ZNF550: variants seen among roughly 807,000 people sequenced by gnomAD.
ZNF550 encodes zinc finger protein 550.
A neutral mutation model predicts 40.2 loss-of-function variants in ZNF550; 42 were observed. That is an observed-to-expected ratio of 1.05 (90% CI 0.82 to 1.35). The LOEUF is 1.35. Ranked by LOEUF, ZNF550 falls within the 40% of genes most tolerant of loss-of-function variation. The probability of loss-of-function intolerance (pLI) is 0.00; values close to 1 mark genes in which losing one functional copy is unlikely to be tolerated. For missense variants in ZNF550, 549 were observed against 525.2 expected (o/e 1.05, Z -0.44); for synonymous variants, 223 against 198.6 (o/e 1.12, Z -1.03).
chr19:57,546,254 C>G (rs992297452), intron 4 of ZNF550, among the ~76,000 whole-genome samples: 1 of 151,982 alleles, frequency 6.6e-6, no homozygotes, highest in Non-Finnish European at 1.5e-5. Flanking sequence ...GGATATCCTC[C>G]CAGAGATGTC....
chr19:57,558,430 G>A (rs1473206857), intron 1 of ZNF550, among the ~76,000 whole-genome samples: 3 of 152,034 alleles, frequency 2.0e-5, no homozygotes, highest in African/African-American at 7.2e-5. Context: ...TGTGATGAGA[G>A]TCCCTATAAG....
Position 57,552,617 on chromosome 19 carries a change from G to A in ZNF550, c.250+10C>T, listed in dbSNP as rs2123357700. 1.3e-6 allele frequency: 2 copies of A among 1,590,134 alleles called. No homozygotes were observed. The highest frequency in any genetic ancestry group is 2.7e-5 in the African/African-American group (2 of 74,912). On this transcript the variant is annotated intron_variant, in intron 3 of 4. Coordinates refer to ENST00000457177, the Ensembl canonical transcript of ZNF550. ...CCATGACTCCACATGACCAGCTGGT[G>A]GCTGCTTACCTGCACAGGTAGCATG...
At chr19:57,546,194 A>C (rs2090007544) in intron 4 of ZNF550, among the ~76,000 whole-genome samples, 1 of 152,126 alleles carries the variant, frequency 6.6e-6, no homozygotes, top group South Asian at 2.1e-4. Flanking sequence ...AAATTCAAGA[A>C]TCTCATGACA....
exon 5 of ZNF550, chr19:57,542,621 G>A (rs888111071): frequency 1.3e-5 from 2 of 151,824 alleles, no homozygotes; most frequent in Admixed American, 6.6e-5. Context: ...GAATTGTGAG[G>A]TCTACAATAA....
chr19:57,556,118 G>A (rs1051272871), intron 2 of ZNF550, 113 bp downstream of exon 2: 1 of 1,373,220 alleles, frequency 7.3e-7, no homozygotes, highest in African/African-American at 1.4e-5. Context: ...CAGTCAGGAA[G>A]AGGTGGGAAC....
chr19:57,551,053 TACAG>T (rs2090068437), intron 3 of ZNF550, among the ~76,000 whole-genome samples: 1 of 152,224 alleles, frequency 6.6e-6, no homozygotes, highest in East Asian at 1.9e-4. Flanking sequence ...AAGTTGAAGG[TACAG>T]ACAAAGCAGA....
At chr19:57,556,390 CT>C in intron 1 of ZNF550, 33 bp from the exon 2 acceptor site, 1 of 1,598,024 alleles carries the variant, frequency 6.3e-7, no homozygotes, top group Non-Finnish European at 8.5e-7. Context: ...TGCTATTGGC[CT>C]TGTGTTGTCG....
At chr19:57,556,440 T>G in intron 1 of ZNF550, 83 bp from the exon 2 acceptor site, 1 of 1,520,934 alleles carries the variant, frequency 6.6e-7, no homozygotes, top group African/African-American at 1.4e-5. Context: ...CTAGTCAATG[T>G]GCAGAGAGAT....
intron 4 of ZNF550, among the ~76,000 whole-genome samples, chr19:57,545,089 T>G (rs1317452929): frequency 6.6e-6 from 1 of 152,144 alleles, no homozygotes; most frequent in Non-Finnish European, 1.5e-5. Flanking sequence ...ACTCCTGCAC[T>G]CCAGCCTAGG....
At chr19:57,559,828 A>C in exon 1 of ZNF550, 1 of 635,500 alleles carries the variant, frequency 1.6e-6, no homozygotes. Context: ...AACACGCCCC[A>C]CCACAAACGT....
exon 4 of ZNF550, chr19:57,547,467 G>A (rs762698168): frequency 1.9e-6 from 3 of 1,614,082 alleles, no homozygotes; most frequent in Non-Finnish European, 1.7e-6. Context: ...CAAGGCACTT[G>A]TATGGTTTCT....
chr19:57,545,180 G>T (rs898880827), intron 4 of ZNF550, among the ~76,000 whole-genome samples: 4 of 152,194 alleles, frequency 2.6e-5, no homozygotes, highest in African/African-American at 9.7e-5. Context: ...TAAGGTCATG[G>T]TGGTTAACTA....
chr19:57,543,729 A>G (rs1373180197), intron 4 of ZNF550: 7 of 597,368 alleles, frequency 1.2e-5, no homozygotes, highest in Non-Finnish European at 1.5e-5. Context: ...TGAGGTCAAG[A>G]GTTCAAGACC....
rs1361844874 is a variant in ZNF550 at position 57,554,275 on chromosome 19, G to A, written c.155-1553C>T. The A allele has an allele frequency of 6.6e-6, 1 of 152,224 alleles. No individual in the cohort carries two copies. The highest frequency in any genetic ancestry group is 1.5e-5 in the Non-Finnish European group (1 of 68,040). 9.4% of individuals were successfully genotyped at this position (152,224 alleles called of 1,614,324 possible). ...CAAAGCTGGATTCTCATTGTGAAAA[G>A]AAAGCATTTATTCCAAGGTGGGAGG... On this transcript the variant is annotated intron_variant, in intron 2 of 4. Coordinates refer to ENST00000457177, the Ensembl canonical transcript of ZNF550. The surrounding 1 kb of genome is among the most constrained non-coding windows in gnomAD (Gnocchi z 4.5).
chr19:57,560,917 G>A (rs2090161713), upstream of ZNF550, among the ~76,000 whole-genome samples: 1 of 152,158 alleles, frequency 6.6e-6, no homozygotes, highest in South Asian at 2.1e-4. Context: ...CCCTTCTCCT[G>A]TGACCACACA....
intron 4 of ZNF550, chr19:57,544,533 C>CCT: frequency 4.1e-6 from 4 of 985,344 alleles, no homozygotes; most frequent in Non-Finnish European, 4.8e-6. Context: ...GGGTGGGGGT[C>CCT]CTCAAGAGTC....
rs182411760 is a variant in ZNF550, at chr19:57,548,355, T to C, written c.251-362A>G. 2.7e-3 allele frequency among the ~76,000 whole-genome samples: 405 copies of C among 152,194 alleles called. 2 individuals are homozygous for C. Among genetic ancestry groups the C allele is most frequent in the African/African-American group, 9.4e-3 (391 of 41,534 alleles). ...ACAAGGGATTAATAACCAGAATATA[T>C]AAGGAGCTTAAACCACTCTATAGGA... On this transcript the variant is annotated intron_variant, in intron 3 of 4. Coordinates refer to ENST00000457177, the Ensembl canonical transcript of ZNF550.
At chr19:57,544,211 T>A (rs964380112) in intron 4 of ZNF550, 32 of 985,388 alleles carry the variant, frequency 3.2e-5, no homozygotes, top group Non-Finnish European at 3.6e-5. Context: ...TGGAGCTAAA[T>A]GACAGGTGTC....
chr19:57,547,639 G>A (rs1385178253), exon 4 of ZNF550: 1 of 1,614,170 alleles, frequency 6.2e-7, no homozygotes, highest in Non-Finnish European at 8.5e-7. Flanking sequence ...GCATTTGTAG[G>A]GGTTTGTCCC....
Sources: allele counts gnomAD v4.1 joint callset (sites outside exome capture counted in the v4.1 genomes callset), GRCh38; gene constraint gnomAD v4.1.1; non-coding constraint Gnocchi (gnomAD v3.1); transcripts MANE v1.5; gene names NCBI Gene and HGNC (gene_info 2026-07-23, HGNC 2026-07-21).